NBEA: variants seen among roughly 807,000 people sequenced by gnomAD.
The protein encoded by NBEA is lysosomal-trafficking regulator 2.
In NBEA, 44 loss-of-function variants were observed where a neutral mutation model predicts 343.4. The observed-to-expected ratio is 0.13, with a 90% CI of 0.10 to 0.16. The LOEUF is 0.16. NBEA is among the 10% of genes least tolerant of loss of function. The probability of loss-of-function intolerance (pLI) is 1.00; values close to 1 mark genes in which losing one functional copy is unlikely to be tolerated. For synonymous variants in NBEA, 1,175 were observed against 1,238.7 expected (o/e 0.95, Z 1.08); for missense variants, 2,555 against 3,631.3 (o/e 0.70, Z 7.62).
At chr13:35,204,676 C>G (rs983989265) in intron 31 of NBEA, among the ~76,000 whole-genome samples, 4 of 150,590 alleles carry the variant, frequency 2.7e-5, no homozygotes, top group Non-Finnish European at 5.9e-5. Context: ...AGGTATCCGT[C>G]AGGATGAATA....
intron 41 of NBEA, among the ~76,000 whole-genome samples, chr13:35,484,577 A>G (rs1468614028): frequency 2.0e-5 from 3 of 150,352 alleles, no homozygotes; most frequent in South Asian, 2.1e-4. Flanking sequence ...GGCAAAAGCC[A>G]TATGTGTTTA....
At chr13:35,023,386 C>T (rs956437962) in intron 1 of NBEA, among the ~76,000 whole-genome samples, 1 of 152,080 alleles carries the variant, frequency 6.6e-6, no homozygotes, top group Admixed American at 6.6e-5. Context: ...ATATTCTTAA[C>T]TTGTTTATAT....
rs993476069 is a variant in NBEA at position 35,617,464 on chromosome 13, C to T, written c.7450-10617C>T. On this transcript the variant is annotated intron_variant, in intron 48 of 58. Coordinates refer to ENST00000379939, the MANE Select transcript of NBEA (RefSeq NM_001385012.1). ...CTGGGTTTTCCTTGAAGGAAGCCTA[C>T]GGAATAGAAAGGGAAAGCTACCTTG... 2.6e-5 allele frequency among the ~76,000 whole-genome samples: 4 copies of T among 152,192 alleles called. No individual in the cohort carries two copies. In the East Asian group the frequency reaches 5.8e-4, roughly 22 times the overall value.
rs552128211 is a variant in NBEA at position 35,259,782 on chromosome 13, C to T, written c.5776+27163C>T. ...AAAGATCTCATAACTTTCAAAAAGCCACTGAAATTTTTTAGGTATGTAAGT... is the reference window on the plus strand; with the variant it reads ...AAAGATCTCATAACTTTCAAAAAGCTACTGAAATTTTTTAGGTATGTAAGT... On this transcript the variant is annotated intron_variant, in intron 34 of 58. Coordinates refer to ENST00000379939, the MANE Select transcript of NBEA (RefSeq NM_001385012.1). 3.3e-4 allele frequency among the ~76,000 whole-genome samples: 50 copies of T among 152,066 alleles called. 1 individual carries two copies. The South Asian group carries it at 1.0e-2, about 30-fold the overall frequency.
At chr13:35,259,812 T>C (rs182107430) in intron 34 of NBEA, among the ~76,000 whole-genome samples, 7 of 152,294 alleles carry the variant, frequency 4.6e-5, no homozygotes, top group Admixed American at 3.9e-4. Context: ...GTAAGTTATT[T>C]GGGTTCTCAA....
intron 38 of NBEA, among the ~76,000 whole-genome samples, chr13:35,369,671 A>G (rs2041319601): frequency 6.6e-6 from 1 of 151,968 alleles, no homozygotes; most frequent in African/African-American, 2.4e-5. Context: ...ATTCCTGTAT[A>G]TAAACACTAC....
chr13:35,576,582 C>A (rs868009330), intron 45 of NBEA, among the ~76,000 whole-genome samples: 1 of 152,002 alleles, frequency 6.6e-6, no homozygotes, highest in Non-Finnish European at 1.5e-5. Context: ...ATGAGATAAA[C>A]CAAATTCATG....
intron 38 of NBEA, among the ~76,000 whole-genome samples, chr13:35,366,474 TA>T (rs2041120557): frequency 6.6e-6 from 1 of 151,318 alleles, no homozygotes; most frequent in African/African-American, 2.4e-5. Flanking sequence ...AATAGCAGTT[TA>T]AAATTTTTGG....
At chr13:35,487,484 G>A (rs780987981) in intron 41 of NBEA, among the ~76,000 whole-genome samples, 2 of 151,882 alleles carry the variant, frequency 1.3e-5, no homozygotes, top group Non-Finnish European at 2.9e-5. Flanking sequence ...AAGAACTCTG[G>A]AGGATAATGC....
At chr13:34,971,995 C>G (rs945794421) in intron 1 of NBEA, among the ~76,000 whole-genome samples, 2 of 151,822 alleles carry the variant, frequency 1.3e-5, no homozygotes, top group Admixed American at 1.3e-4. Flanking sequence ...GGTTGGTAGG[C>G]TATTACTGCC....
intron 1 of NBEA, among the ~76,000 whole-genome samples, chr13:35,013,407 TC>T (rs1366425935): frequency 2.0e-5 from 3 of 152,108 alleles, no homozygotes; most frequent in African/African-American, 7.2e-5. Context: ...GAGATACACT[TC>T]GGACATATTT....
intron 41 of NBEA, among the ~76,000 whole-genome samples, chr13:35,511,936 G>A (rs1025694043): frequency 6.6e-6 from 1 of 152,162 alleles, no homozygotes; most frequent in Non-Finnish European, 1.5e-5. Context: ...TACCTCTACT[G>A]AAAGTTGTTT....
intron 38 of NBEA, among the ~76,000 whole-genome samples, chr13:35,403,875 C>T (rs971463046): frequency 6.6e-6 from 1 of 152,118 alleles, no homozygotes; most frequent in Non-Finnish European, 1.5e-5. Context: ...GGGCTAATAT[C>T]CAGAATCTAC....
At chr13:35,648,522 G>A (rs933279509) in intron 51 of NBEA, among the ~76,000 whole-genome samples, 3 of 152,076 alleles carry the variant, frequency 2.0e-5, no homozygotes, top group African/African-American at 7.2e-5. Flanking sequence ...CTGGAGATAT[G>A]CCCAGTCAGA....
intron 35 of NBEA, among the ~76,000 whole-genome samples, chr13:35,298,490 A>G (rs999196747): frequency 6.6e-6 from 1 of 151,732 alleles, no homozygotes; most frequent in African/African-American, 2.4e-5. Flanking sequence ...ATAACTTAGT[A>G]CCTATTTCTA....
intron 38 of NBEA, 24 bp downstream of exon 38, chr13:35,352,347 A>T: frequency 7.4e-7 from 1 of 1,342,712 alleles, no homozygotes; most frequent in East Asian, 2.7e-5. Flanking sequence ...AATTCGAGTA[A>T]ATAATAATTC....
At chr13:35,642,597 ACCAGACAGGGAATAGATGAGTGACACAAG>A (rs1355988130) in intron 49 of NBEA, among the ~76,000 whole-genome samples, 1 of 152,198 alleles carries the variant, frequency 6.6e-6, no homozygotes, top group Non-Finnish European at 1.5e-5. Flanking sequence ...GCATATAAGA[ACCAGACAGGGAATAGATGAGTGACACAAG>A]CCAGTGGCAG....
intron 1 of NBEA, among the ~76,000 whole-genome samples, chr13:35,028,372 A>T (rs2062085747): frequency 6.6e-6 from 1 of 151,894 alleles, no homozygotes; most frequent in African/African-American, 2.4e-5. Flanking sequence ...ATAGTCTTGT[A>T]CATAGTTTGT....
chr13:35,109,514 T>G (rs903475272), intron 12 of NBEA, 72 bp downstream of exon 12: 1 of 1,320,930 alleles, frequency 7.6e-7, no homozygotes, highest in Middle Eastern at 1.9e-4. Flanking sequence ...TCTATAGTAT[T>G]CAGTGGAAAA....
Sources: allele counts gnomAD v4.1 joint callset (sites outside exome capture counted in the v4.1 genomes callset), GRCh38; gene constraint gnomAD v4.1.1; transcripts MANE v1.5; gene names NCBI Gene and HGNC (gene_info 2026-07-23, HGNC 2026-07-21).